Variants in UTP20 observed in about 807,000 individuals in gnomAD.
UTP20 encodes UTP20 small subunit processome component, also known as small subunit processome component 20 homolog.
UTP20 carries 164 observed loss-of-function variants against 329.5 expected under a neutral mutation model. That is an observed-to-expected ratio of 0.50 (90% CI 0.44 to 0.57). The LOEUF is 0.57. Among genes scored for constraint, UTP20 ranks in the 20% least tolerant of loss-of-function variants. UTP20 has a pLI of 0.00. For synonymous variants in UTP20, 1,151 were observed against 1,159.3 expected (o/e 0.99, Z 0.14); for missense variants, 3,055 against 3,284.2 (o/e 0.93, Z 1.71).
chr12:101,326,982 T>C (rs889890850), intron 25 of UTP20, 99 bp from the exon 26 acceptor site: 16 of 1,171,112 alleles, frequency 1.4e-5, no homozygotes, highest in Non-Finnish European at 1.9e-5. Context: ...ATATATCCAT[T>C]TAAATCTATT....
rs188571503 is a variant in UTP20 at position 101,303,143 on chromosome 12, A to G, written c.1781+590A>G. On this transcript the variant is annotated intron_variant, in intron 15 of 61. Coordinates refer to ENST00000261637, the MANE Select transcript of UTP20 (RefSeq NM_014503.3). ...TGAAGTCTACTCCATTTTATTTCCA[A>G]GTGTTTTAAAGATTTATTCATTCAC... Among the ~76,000 whole-genome samples the G allele has an allele frequency of 2.7e-3, 406 of 152,244 alleles. 1 individual carries two copies. Among genetic ancestry groups the G allele is most frequent in the Admixed American group, 5.6e-3 (86 of 15,278 alleles).
intron 27 of UTP20, among the ~76,000 whole-genome samples, chr12:101,332,753 G>A (rs1031645515): frequency 6.6e-6 from 1 of 151,934 alleles, no homozygotes; most frequent in African/African-American, 2.4e-5. Context: ...TTCACTGTAT[G>A]GAAAAATCAT....
In UTP20 at chr12:101,280,352, A is replaced by C. The variant is rs372056157; in HGVS notation, c.45+25A>C. ...GGTGAGCGCGGGAGCTTAGGCAGGG[A>C]GCCGCGGGTCTCCGCTGCCTCAGTC... On this transcript the variant is annotated intron_variant, in intron 1 of 61. Transcript: ENST00000261637. The C allele has an allele frequency of 1.7e-5, 27 of 1,551,472 alleles. No individual in the cohort carries two copies. The African/African-American group carries it at 2.1e-4, about 12-fold the overall frequency.
chr12:101,306,141 C>T (rs749465432), intron 16 of UTP20, 76 bp downstream of exon 16: 1 of 1,421,844 alleles, frequency 7.0e-7, no homozygotes, highest in Non-Finnish European at 9.3e-7. Flanking sequence ...GTTTTCAGAG[C>T]ATCTTAGTTA....
At chr12:101,309,484 A>T (rs1380282504) in intron 18 of UTP20, among the ~76,000 whole-genome samples, 6 of 152,248 alleles carry the variant, frequency 3.9e-5, no homozygotes, top group African/African-American at 1.4e-4. Flanking sequence ...TTTAATCATT[A>T]GTCAAATCTG....
At chr12:101,315,989 G>T (rs964554197) in intron 21 of UTP20, among the ~76,000 whole-genome samples, 1 of 152,140 alleles carries the variant, frequency 6.6e-6, no homozygotes. Flanking sequence ...TCTAAGGAAC[G>T]TTTAATACTG....
At chr12:101,308,616 A>C (rs1872699674) in intron 18 of UTP20, among the ~76,000 whole-genome samples, 1 of 152,064 alleles carries the variant, frequency 6.6e-6, no homozygotes, top group Non-Finnish European at 1.5e-5. Flanking sequence ...GCAGGGGCTC[A>C]TTGAACCTGA....
intron 6 of UTP20, 66 bp from the exon 7 acceptor site, chr12:101,290,071 A>T: frequency 8.1e-7 from 1 of 1,228,606 alleles, no homozygotes; most frequent in Non-Finnish European, 1.1e-6. Context: ...ATAGCAAATG[A>T]GAGTTCTTCA....
Position 101,329,301 on chromosome 12 carries a change from C to T in UTP20, c.3269C>T (p.Pro1090Leu), listed in dbSNP as rs780474146. ...VEDLDLSKVL[P>L]LGRQHGILNS... Reference sequence around the variant, plus strand: ...GACTTGGATTTGTCTAAAGTTCTTCCTTTAGGTCGTCAGCACGGTATCTTA... The same window carrying T: ...GACTTGGATTTGTCTAAAGTTCTTCTTTTAGGTCGTCAGCACGGTATCTTA... Residue 1090 changes from proline (P) to leucine (L), a missense_variant, in exon 27 of 62, where the codon CCT (proline) becomes CTT (leucine). Physicochemically the swap from Pro to Leu is moderately conservative, Grantham distance 98 (BLOSUM62 -3). Coordinates refer to ENST00000261637, the MANE Select transcript of UTP20 (RefSeq NM_014503.3). 6.2e-6 allele frequency: 10 copies of T among 1,613,936 alleles called. No individual in the cohort carries two copies. The South Asian group carries it at 1.1e-4, about 18-fold the overall frequency.
In UTP20 at chr12:101,383,655, C is replaced by T; in HGVS notation, c.8042C>T (p.Thr2681Ile). The change falls in exon 60 of 62, where the codon ACC (threonine) becomes ATC (isoleucine). Residue 2681 changes from threonine to isoleucine, a missense_variant. Coordinates refer to ENST00000261637, the MANE Select transcript of UTP20 (RefSeq NM_014503.3). ...IAPLFRELNSTYSEQDPLLKN... is the reference protein window; with the variant it reads ...IAPLFRELNSIYSEQDPLLKN... ...CCTTTGTTTCGGGAACTCAACAGCA[C>T]CTATTCAGAGCAAGGTAACCCTGCC... 2 of 1,611,820 alleles carry T rather than the reference C, an allele frequency of 1.2e-6. No individual in the cohort carries two copies. Among genetic ancestry groups the T allele is most frequent in the Non-Finnish European group, 1.7e-6 (2 of 1,178,782 alleles).
Position 101,344,759 on chromosome 12 carries a change from C to G in UTP20, c.4605+9C>G, listed in dbSNP as rs750892909. ...TGAAGAGCCAGACAGAGGTATATAA[C>G]TTTGTGTTTTAGGCACTACTGTCTG... On this transcript the variant is annotated intron_variant, in intron 36 of 61. Coordinates refer to ENST00000261637, the MANE Select transcript of UTP20 (RefSeq NM_014503.3). The G allele has an allele frequency of 1.2e-6, 2 of 1,611,916 alleles. No individual in the cohort carries two copies. The highest frequency in any genetic ancestry group is 1.7e-6 in the Non-Finnish European group (2 of 1,178,994).
At chr12:101,344,782 C>G (rs1448952567) in intron 36 of UTP20, 32 bp downstream of exon 36, 1 of 1,595,834 alleles carries the variant, frequency 6.3e-7, no homozygotes, top group South Asian at 1.1e-5. Context: ...GCACTACTGT[C>G]TGAGGCTGTG....
At chr12:101,291,632 C>A in intron 8 of UTP20, 110 bp from the exon 9 acceptor site, 79 of 1,072,612 alleles carry the variant, frequency 7.4e-5, no homozygotes, top group East Asian at 2.1e-4. Flanking sequence ...GTATCTTTTT[C>A]TTCCAAAGCA....
chr12:101,362,949 A>G (rs558658831), intron 44 of UTP20, among the ~76,000 whole-genome samples: 1 of 132,278 alleles, frequency 7.6e-6, no homozygotes, highest in East Asian at 2.9e-4. Context: ...CCTGTGCTAC[A>G]TGGTGAAACC....
chr12:101,338,300 T>C lies in UTP20; in HGVS notation c.3868+23T>C, dbSNP rs1869002441. The C allele has an allele frequency of 1.9e-6, 3 of 1,604,810 alleles. No homozygotes were observed. In the East Asian group the frequency reaches 6.7e-5, roughly 36 times the overall value. On this transcript the variant is annotated intron_variant, in intron 30 of 61. Transcript: ENST00000261637. The stretch of plus-strand genomic sequence containing the variant: ...GTGGTATGTATGCTGACAAAGCAGA[T>C]AATTCTTAGACTTCTGCTGTAGCAA...
chr12:101,285,477 T>C, intron 2 of UTP20, 93 bp from the exon 3 acceptor site: 8 of 1,338,380 alleles, frequency 6.0e-6, no homozygotes, highest in Non-Finnish European at 7.3e-6. Flanking sequence ...TTCAGTATCA[T>C]TGTCTTAAGA....
At chr12:101,319,934 T>A (rs369481190) in intron 23 of UTP20, among the ~76,000 whole-genome samples, 2 of 151,938 alleles carry the variant, frequency 1.3e-5, no homozygotes, top group African/African-American at 4.8e-5. Flanking sequence ...TAGAAGGGAG[T>A]AGGGTTTATA....
intron 32 of UTP20, among the ~76,000 whole-genome samples, chr12:101,341,937 A>C (rs1209544879): frequency 6.6e-6 from 1 of 152,062 alleles, no homozygotes; most frequent in Non-Finnish European, 1.5e-5. Flanking sequence ...AAATAATACA[A>C]ATTTTAAAAA....
chr12:101,286,306 C>CT lies in UTP20; in HGVS notation c.327-8dup, dbSNP rs772510627. The CT allele has an allele frequency of 5.4e-5, 83 of 1,550,004 alleles. No homozygotes were observed. The East Asian group carries it at 1.8e-3, about 34-fold the overall frequency. ...AAAAAATCCACATGATCAGTTGCTT[C>CT]TTTTTTTAATCCAGTTTGGTTGTAC... On this transcript the variant is annotated splice_polypyrimidine_tract_variant and intron_variant, in intron 4 of 61. Transcript: ENST00000261637.
Sources: allele counts gnomAD v4.1 joint callset (sites outside exome capture counted in the v4.1 genomes callset), GRCh38; gene constraint gnomAD v4.1.1; transcripts MANE v1.5; gene names NCBI Gene and HGNC (gene_info 2026-07-23, HGNC 2026-07-21).